Variants in MUC5B observed in about 807,000 individuals in gnomAD.
MUC5B encodes the protein mucin-5B.
MUC5B carries 116 observed loss-of-function variants against 376.9 expected under a neutral mutation model. The observed-to-expected ratio is 0.31, with a 90% CI of 0.26 to 0.36. The LOEUF (loss-of-function observed/expected upper bound fraction) is 0.36. MUC5B is among the 10% of genes least tolerant of loss of function. The pLI, the probability that MUC5B is intolerant of heterozygous loss-of-function variation, is 1.00. For synonymous variants in MUC5B, 3,517 were observed against 3,390.9 expected (o/e 1.04, Z -1.29); for missense variants, 7,165 against 7,769.9 (o/e 0.92, Z 2.93).
rs115571800 is a variant in MUC5B, at chr11:1,233,971, C to G, written c.2377+123C>G. ...CCCTGCCGGGCCAGGTCAGTCCTCA[C>G]CTGGGCTCTGCCACAGGCACCCATG... On this transcript the variant is annotated intron_variant, in intron 19 of 48. Transcript: ENST00000529681. 4,459 of 1,047,706 alleles carry G rather than the reference C, an allele frequency of 4.3e-3. 118 individuals carry two copies. In the African/African-American group the frequency reaches 0.062, roughly 15 times the overall value. 64.9% of individuals were successfully genotyped at this position (1,047,706 alleles called of 1,614,324 possible).
rs755071671 is a variant in MUC5B at position 1,232,993 on chromosome 11, C to T, written c.2066-20C>T. 7.7e-6 allele frequency: 12 copies of T among 1,560,582 alleles called. No individual in the cohort carries two copies. The highest frequency in any genetic ancestry group is 3.3e-4 in the Middle Eastern group (2 of 6,000). On this transcript the variant is annotated intron_variant, in intron 17 of 48. Transcript: ENST00000529681. ...GCTGCTCGGCCGCTGACCTGTCCCC[C>T]CTGGCCCCACCGACCACAGCCAAGT...
chr11:1,225,264 A>T (rs1404150901), intron 1 of MUC5B, among the ~76,000 whole-genome samples: 1 of 152,160 alleles, frequency 6.6e-6, no homozygotes, highest in Non-Finnish European at 1.5e-5. Context: ...TCTCCAAGGG[A>T]TGTGTGGGAT....
intron 34 of MUC5B, 52 bp from the exon 35 acceptor site, chr11:1,254,642 C>A: frequency 6.4e-7 from 1 of 1,560,582 alleles, no homozygotes. Flanking sequence ...CCCTGCTCCC[C>A]GAGCCCACCT....
chr11:1,260,642 C>T lies in MUC5B; in HGVS notation c.16983C>T (p.Arg5661=). Residue 5661 remains arginine (R), a synonymous_variant, in exon 48 of 49, where the codon CGC becomes CGT. Transcript: ENST00000529681. ...YSCEEDSCQV[R]INTTILWHQG... is the part of the protein sequence containing the mutation. ...TCCTCCCAGACTCCTGTCAAGTCCG[C>T]ATCAACACGACCATCCTGTGGCACC... The T allele has an allele frequency of 6.2e-7, 1 of 1,612,564 alleles. No individual in the cohort carries two copies. The highest frequency in any genetic ancestry group is 8.5e-7 in the Non-Finnish European group (1 of 1,179,730).
chr11:1,233,368 A>G (rs1862078937), intron 18 of MUC5B, 100 bp downstream of exon 18: 1 of 1,322,018 alleles, frequency 7.6e-7, no homozygotes. Flanking sequence ...GTTCTGAGAC[A>G]TGAGGGGCCA....
intron 30 of MUC5B, 22 bp from the exon 31 acceptor site, chr11:1,240,829 C>T: frequency 6.3e-7 from 1 of 1,586,206 alleles, no homozygotes; most frequent in Non-Finnish European, 8.6e-7. Context: ...GAGCCAGGAC[C>T]CCTTTCCCAT....
At chr11:1,227,563 T>C in intron 6 of MUC5B, 112 bp from the exon 7 acceptor site, 1 of 677,084 alleles carries the variant, frequency 1.5e-6, no homozygotes, top group South Asian at 1.7e-5. Flanking sequence ...TCGGGGGTGT[T>C]GGGCCCTAGG....
At position 1,258,044 on chromosome 11, in the gene MUC5B, G is replaced by A; in HGVS notation, c.16451-55G>A. The A allele has an allele frequency of 6.7e-7, 1 of 1,482,008 alleles. No homozygotes were observed. The highest frequency in any genetic ancestry group is 9.2e-7 in the Non-Finnish European group (1 of 1,088,418). 91.8% of individuals were successfully genotyped at this position (1,482,008 alleles called of 1,614,324 possible). On this transcript the variant is annotated intron_variant, in intron 41 of 48. Coordinates refer to ENST00000529681, the MANE Select transcript of MUC5B (RefSeq NM_002458.3). The surrounding 1 kb of genome is among the most constrained non-coding windows in gnomAD (Gnocchi z 5.5). Reference sequence around the variant, plus strand: ...CGCCTGCGACTTACTCTGGGAACAAGTGGTCGGGAGGAGGAGTGAGCAGCG... The same window carrying A: ...CGCCTGCGACTTACTCTGGGAACAAATGGTCGGGAGGAGGAGTGAGCAGCG...
rs1862426048 is a variant in MUC5B, at chr11:1,245,351, C to G, written c.8471C>G (p.Ser2824Cys). Residue 2824 changes from serine (S) to cysteine (C), a missense_variant, in exon 31 of 49, where the codon TCT becomes TGT. By Grantham distance (112) the Ser-to-Cys change is moderately radical (BLOSUM62 -1). This residue lies in a region of MUC5B where 50 missense variants were observed against 66.4 expected (regional missense o/e 0.75). Coordinates refer to ENST00000529681, the MANE Select transcript of MUC5B (RefSeq NM_002458.3). ...PSSRTTESPP[S>C]PGTTTPGHTR... is the part of the protein sequence containing the mutation. ...AGCAGGACCACCGAGTCACCCCCTT[C>G]TCCAGGGACGACCACCCCGGGCCAC... The G allele has an allele frequency of 6.3e-7, 1 of 1,594,192 alleles. No homozygotes were observed. The highest frequency in any genetic ancestry group is 1.7e-5 in the Admixed American group (1 of 58,024).
chr11:1,232,407 C>A, intron 15 of MUC5B, 43 bp from the exon 16 acceptor site: 1 of 1,551,456 alleles, frequency 6.4e-7, no homozygotes, highest in South Asian at 1.2e-5. Flanking sequence ...GGGGTGTGGG[C>A]TTCGGGGCAG....
In MUC5B at chr11:1,232,743, C is replaced by T; in HGVS notation, c.2038C>T (p.Leu680Phe). The change falls in exon 17 of 49, where the codon CTC becomes TTC. Residue 680 changes from leucine to phenylalanine, a missense_variant. This residue lies in a region of MUC5B where 530 missense variants were observed against 604.0 expected (regional missense o/e 0.88). Coordinates refer to ENST00000529681, the MANE Select transcript of MUC5B (RefSeq NM_002458.3). ...VHACAAKGVQ[L>F]SDWRDGVCTK... ...CGCCTGTGCCGCCAAGGGCGTACAG[C>T]TCAGCGACTGGAGGGACGGCGTCTG... The T allele has an allele frequency of 1.3e-6, 2 of 1,598,960 alleles. No homozygotes were observed. The highest frequency in any genetic ancestry group is 1.7e-6 in the Non-Finnish European group (2 of 1,171,988).
At position 1,244,773 on chromosome 11, in the gene MUC5B, A is replaced by AG. The variant is rs1202474237; in HGVS notation, c.7894dup (p.Val2632GlyfsTer49). 6.2e-7 allele frequency: 1 copy of AG among 1,612,256 alleles called. No homozygotes were observed. Among genetic ancestry groups the AG allele is most frequent in the Non-Finnish European group, 8.5e-7 (1 of 1,178,974 alleles). On this transcript the variant is annotated frameshift_variant, in exon 31 of 49. Coordinates refer to ENST00000529681, the MANE Select transcript of MUC5B (RefSeq NM_002458.3). LOFTEE classifies it high-confidence loss of function. ...GCCCAGGGACGGCACGCACGCTTCCAGTGTGGATCAGCACAACCACCACAC... is the reference window on the plus strand; with the variant it reads ...GCCCAGGGACGGCACGCACGCTTCCAGGTGTGGATCAGCACAACCACCACAC...
In MUC5B at chr11:1,246,890, C is replaced by T. The variant is rs959869497; in HGVS notation, c.10010C>T (p.Thr3337Ile). 1 of 1,610,570 alleles carries T rather than the reference C, an allele frequency of 6.2e-7. No homozygotes were observed. The highest frequency in any genetic ancestry group is 8.5e-7 in the Non-Finnish European group (1 of 1,178,602). Reference protein sequence around the residue: ...ALTPPVWISTTTTPTTRGSTV... With the variant: ...ALTPPVWISTITTPTTRGSTV... ...ACGCCTCCAGTGTGGATCAGCACAA[C>T]CACCACACCCACAACCAGAGGCTCC... Residue 3337 changes from threonine (T) to isoleucine (I), a missense_variant, in exon 31 of 49, where the codon ACC (threonine) becomes ATC (isoleucine). Coordinates refer to ENST00000529681, the MANE Select transcript of MUC5B (RefSeq NM_002458.3).
In MUC5B at chr11:1,253,070, G is replaced by A; in HGVS notation, c.15217+90G>A. On this transcript the variant is annotated intron_variant, in intron 33 of 48. Transcript: ENST00000529681. The surrounding 1 kb of genome is among the most constrained non-coding windows in gnomAD (Gnocchi z 4.3). ...GGCTGGCAGAATGGGGCATGGTGGG[G>A]CACAGTGGGGTGCAGTGGGGAATGG... is the stretch of plus-strand genomic sequence containing the variant. The A allele has an allele frequency of 7.1e-7, 1 of 1,407,166 alleles. No homozygotes were observed. The allele number at this position is 1,407,166 out of a possible 1,614,324, so 87.2% of individuals were successfully genotyped here.
chr11:1,249,638 T>A lies in MUC5B; in HGVS notation c.12758T>A (p.Leu4253Gln), dbSNP rs746027820. ...GGGACGACCTGGATCCTCACAGAGCTGACCACAACAGCCACTACGACTGCA... is the reference window on the plus strand; with the variant it reads ...GGGACGACCTGGATCCTCACAGAGCAGACCACAACAGCCACTACGACTGCA... Reference protein sequence around the residue: ...TPGTTWILTELTTTATTTAST... With the variant: ...TPGTTWILTEQTTTATTTAST... Residue 4253 changes from leucine to glutamine, a missense_variant, in exon 31 of 49, where the codon CTG becomes CAG. Leu to Gln is a moderately radical substitution (Grantham distance 113, BLOSUM62 -2). Transcript: ENST00000529681. 84 of 1,610,944 alleles carry A rather than the reference T, an allele frequency of 5.2e-5. 2 individuals carry two copies. The African/African-American group carries it at 5.2e-4, about 10-fold the overall frequency.
chr11:1,239,443 T>C lies in MUC5B; in HGVS notation c.3460T>C (p.Phe1154Leu). Residue 1154 changes from phenylalanine to leucine, a missense_variant, in exon 27 of 49, where the codon TTC becomes CTC. Physicochemically the swap from Phe to Leu is conservative, Grantham distance 22. Transcript: ENST00000529681. ...CTCTGCCCTCTGTGCCCCAGCCTTG[T>C]TCTGTGACTTCTACAACCCACATGG... ...SWRTPDTCPLFCDFYNPHGGC... is the reference protein window; with the variant it reads ...SWRTPDTCPLLCDFYNPHGGC... 1 of 1,607,252 alleles carries C rather than the reference T, an allele frequency of 6.2e-7. No homozygotes were observed. Among genetic ancestry groups the C allele is most frequent in the South Asian group, 1.1e-5 (1 of 90,360 alleles).
chr11:1,252,853 C>T lies in MUC5B; in HGVS notation c.15090C>T (p.Cys5030=), dbSNP rs776485100. ...WTLENCTVAR[C]VGDNRVVLLD... ...TGGAGAACTGCACGGTGGCCAGGTG[C>T]GTGGGTGACAACCGTGTCGTCCTGC... Residue 5030 remains cysteine, a synonymous_variant, in exon 33 of 49, where the codon TGC becomes TGT. Transcript: ENST00000529681. The T allele has an allele frequency of 3.5e-5, 56 of 1,612,020 alleles. No individual in the cohort carries two copies. The highest frequency in any genetic ancestry group is 4.2e-5 in the Non-Finnish European group (50 of 1,179,684).
In MUC5B at chr11:1,250,023, C is replaced by T. The variant is rs560210224; in HGVS notation, c.13143C>T (p.Thr4381=). 1.2e-5 allele frequency: 19 copies of T among 1,611,962 alleles called. 1 individual carries two copies. In the South Asian group the frequency reaches 2.1e-4, roughly 18 times the overall value. The change falls in exon 31 of 49, where the codon ACC becomes ACT. Residue 4381 remains threonine (T), a synonymous_variant. Transcript: ENST00000529681. ...TTTRATSSTS[T]PSSTPGTTWI... ...CAAGGGCCACCAGTTCCACGTCCAC[C>T]CCCTCCTCCACTCCGGGGACGACCT...
chr11:1,257,284 AC>A lies in MUC5B; in HGVS notation c.16269+18del, dbSNP rs779676892. The A allele has an allele frequency of 1.3e-6, 1 of 780,686 alleles. No individual in the cohort carries two copies. 48.4% of individuals were successfully genotyped at this position (780,686 alleles called of 1,614,324 possible). A position where few individuals can be genotyped will look rare whatever the true frequency, so the allele number is the denominator to read the frequency against. ...GTTTCCTAAATTTGTGAGTGGCTCCACCCCCACCTGCCCTACCCCACCCTCT... is the reference window on the plus strand; with the variant it reads ...GTTTCCTAAATTTGTGAGTGGCTCCACCCCACCTGCCCTACCCCACCCTCT... On this transcript the variant is annotated intron_variant, in intron 40 of 48. Coordinates refer to ENST00000529681, the MANE Select transcript of MUC5B (RefSeq NM_002458.3). This position sits in a 1 kb window ranked among gnomAD's most constrained non-coding sequence, Gnocchi z 8.9.
Sources: gnomAD v4.1 joint callset for allele counts (sites outside exome capture counted in the v4.1 genomes callset) on GRCh38, gnomAD v4.1.1 for gene constraint, gnomAD v4.1.1 regional missense constraint, Gnocchi (gnomAD v3.1) non-coding constraint, MANE v1.5 for transcripts, NCBI Gene and HGNC (gene_info 2026-07-23, HGNC 2026-07-21) for gene names.